Variants in TNPO1 observed in about 807,000 individuals in gnomAD.
TNPO1 encodes the protein transportin-1.
A neutral mutation model predicts 119.5 loss-of-function variants in TNPO1; 8 were observed. That is an observed-to-expected ratio of 0.07 (90% CI 0.04 to 0.12). The LOEUF is 0.12. Among genes scored for constraint, TNPO1 ranks in the 10% least tolerant of loss-of-function variants. The pLI is 1.00. For missense variants in TNPO1, 576 were observed against 1,089.8 expected (o/e 0.53, Z 6.64); for synonymous variants, 362 against 363.0 (o/e 1.00, Z 0.03).
At chr5:72,905,669 C>T (rs1324997662) in intron 24 of TNPO1, 1 of 237,168 alleles carries the variant, frequency 4.2e-6, no homozygotes, top group Non-Finnish European at 8.1e-6. Context: ...CCAAGGTGGG[C>T]AGGTCATTTG....
chr5:72,827,376 T>C (rs1744250444), intron 1 of TNPO1, among the ~76,000 whole-genome samples: 1 of 152,124 alleles, frequency 6.6e-6, no homozygotes, highest in South Asian at 2.1e-4. Flanking sequence ...TAATTACAGA[T>C]TTAATAATTA....
intron 1 of TNPO1, among the ~76,000 whole-genome samples, chr5:72,847,435 T>C (rs1285753098): frequency 1.3e-5 from 2 of 152,250 alleles, no homozygotes; most frequent in Non-Finnish European, 2.9e-5. Flanking sequence ...TGTCTCAGTC[T>C]TCACTGATTA....
At chr5:72,848,830 G>A (rs1193813950) in intron 2 of TNPO1, among the ~76,000 whole-genome samples, 2 of 150,166 alleles carry the variant, frequency 1.3e-5, no homozygotes, top group Non-Finnish European at 3.0e-5. Flanking sequence ...CCCGCCCGCC[G>A]CTGACCTGCC....
At chr5:72,875,924 T>C (rs1477375341) in intron 8 of TNPO1, among the ~76,000 whole-genome samples, 187 bp downstream of exon 8, 1 of 152,166 alleles carries the variant, frequency 6.6e-6, no homozygotes, top group Non-Finnish European at 1.5e-5. Flanking sequence ...ACTTTGGAAG[T>C]GTTTTAAGTA....
rs1750420933 is a variant in TNPO1 at position 72,909,577 on chromosome 5, TTTAAA to T, written c.*908_*912del. On this transcript the variant is annotated 3_prime_UTR_variant, in exon 25 of 25. Coordinates refer to ENST00000337273, the MANE Select transcript of TNPO1 (RefSeq NM_002270.4). ...TCTGGCTCATAGTGGTTGAAAGTAA[TTTAAA>T]TTAGTGGGAAAGTAGCATGCTTGCA... The T allele has an allele frequency of 6.6e-6, 1 of 152,300 alleles. No individual in the cohort carries two copies. Among genetic ancestry groups the T allele is most frequent in the African/African-American group, 2.4e-5 (1 of 41,450 alleles). The allele number at this position is 152,300 out of a possible 1,614,324, so 9.4% of individuals were successfully genotyped here.
intron 4 of TNPO1, among the ~76,000 whole-genome samples, chr5:72,859,463 A>C (rs1460599409): frequency 6.6e-6 from 1 of 152,212 alleles, no homozygotes; most frequent in East Asian, 1.9e-4. Flanking sequence ...TACTAATAAT[A>C]TATACAATAT....
At chr5:72,835,194 G>A (rs1014867229) in intron 1 of TNPO1, among the ~76,000 whole-genome samples, 7 of 152,082 alleles carry the variant, frequency 4.6e-5, no homozygotes, top group South Asian at 2.1e-4. Context: ...GTTTTTGCCC[G>A]TATACAATTT....
At chr5:72,884,628 T>C (rs1279125143) in intron 11 of TNPO1, among the ~76,000 whole-genome samples, 2 of 152,192 alleles carry the variant, frequency 1.3e-5, no homozygotes, top group African/African-American at 2.4e-5. Context: ...CGCTTCCTAA[T>C]TGGGGATGAA....
In TNPO1 at chr5:72,861,875, C is replaced by G; in HGVS notation, c.423C>G (p.Leu141=). 5 of 1,613,676 alleles carry G rather than the reference C, an allele frequency of 3.1e-6. No homozygotes were observed. The highest frequency in any genetic ancestry group is 4.2e-6 in the Non-Finnish European group (5 of 1,179,598). Residue 141 remains leucine (L), a synonymous_variant, in exon 5 of 25, where the codon CTC becomes CTG. Transcript: ENST00000337273. ...LQNWPDLLPK[L]CSLLDSEDYN... ...ATTGGCCTGACCTCTTACCAAAACT[C>G]TGTAGCCTGTTGGATTCTGAAGATT... is the stretch of plus-strand genomic sequence containing the variant.
chr5:72,838,806 T>C (rs1481019670), intron 1 of TNPO1, among the ~76,000 whole-genome samples: 3 of 152,194 alleles, frequency 2.0e-5, no homozygotes, highest in Admixed American at 2.0e-4. Flanking sequence ...CGACCAGAAA[T>C]AGACATTCAT....
chr5:72,903,904 C>T lies in TNPO1; in HGVS notation c.2589+121C>T. 3 of 604,674 alleles carry T rather than the reference C, an allele frequency of 5.0e-6. No individual in the cohort carries two copies. In the South Asian group the frequency reaches 7.7e-5, roughly 15 times the overall value. The allele number at this position is 604,674 out of a possible 1,614,324, so 37.5% of individuals were successfully genotyped here. A position where few individuals can be genotyped will look rare whatever the true frequency, so the allele number is the denominator to read the frequency against. ...TCTTCAAGTCAGTATTGATAGTTTA[C>T]ATATATAACCTTTATTCTTGGTAAC... is the stretch of plus-strand genomic sequence containing the variant. On this transcript the variant is annotated intron_variant, in intron 23 of 24. Transcript: ENST00000337273.
intron 6 of TNPO1, among the ~76,000 whole-genome samples, chr5:72,866,608 G>T (rs1427383377): frequency 1.3e-5 from 2 of 151,978 alleles, no homozygotes; most frequent in Non-Finnish European, 2.9e-5. Context: ...ATAAAAATTA[G>T]CTGGGCATGG....
chr5:72,891,354 A>C (rs951438654), intron 14 of TNPO1, among the ~76,000 whole-genome samples: 4 of 151,878 alleles, frequency 2.6e-5, no homozygotes, highest in African/African-American at 9.7e-5. Flanking sequence ...AGTCCCAGCT[A>C]CTCGGGAGGC....
intron 24 of TNPO1, 128 bp downstream of exon 24, chr5:72,905,573 T>C (rs1750085683): frequency 4.0e-6 from 2 of 498,978 alleles, no homozygotes; most frequent in Admixed American, 3.6e-5. Context: ...TAGCCTCATA[T>C]CATTCTATCT....
chr5:72,845,569 T>G (rs1580382201), intron 1 of TNPO1, among the ~76,000 whole-genome samples: 1 of 152,198 alleles, frequency 6.6e-6, no homozygotes, highest in African/African-American at 2.4e-5. Context: ...GATAGAAAAG[T>G]TCAAAGTGGC....
chr5:72,840,525 A>T lies in TNPO1; in HGVS notation c.16-7860A>T, dbSNP rs557764965. ...TAATCTGCCACATACTAGCTGGGCAAGCTACTTAACCTCTCTGAACCTCGG... is the reference window on the plus strand; with the variant it reads ...TAATCTGCCACATACTAGCTGGGCATGCTACTTAACCTCTCTGAACCTCGG... On this transcript the variant is annotated intron_variant, in intron 1 of 24. Coordinates refer to ENST00000337273, the MANE Select transcript of TNPO1 (RefSeq NM_002270.4). Among the ~76,000 whole-genome samples the T allele has an allele frequency of 5.9e-5, 9 of 152,290 alleles. No individual in the cohort carries two copies. In the South Asian group the frequency reaches 1.9e-3, roughly 32 times the overall value.
intron 24 of TNPO1, among the ~76,000 whole-genome samples, chr5:72,906,251 C>T (rs1163215586): frequency 3.8e-5 from 5 of 132,002 alleles, no homozygotes; most frequent in African/African-American, 1.5e-4. Flanking sequence ...GAGTACCTAC[C>T]ATGTGCCCAT....
intron 1 of TNPO1, among the ~76,000 whole-genome samples, chr5:72,841,261 G>T (rs1377460121): frequency 6.6e-6 from 1 of 151,772 alleles, no homozygotes; most frequent in African/African-American, 2.4e-5. Flanking sequence ...GGGATTACAG[G>T]CGCCCGCTAC....
intron 1 of TNPO1, among the ~76,000 whole-genome samples, chr5:72,845,922 T>C (rs928929515): frequency 2.6e-5 from 4 of 152,122 alleles, no homozygotes; most frequent in African/African-American, 9.7e-5. Flanking sequence ...CCTCAGCAGG[T>C]AGGGTATGCC....
Sources: gnomAD v4.1 joint callset for allele counts (sites outside exome capture counted in the v4.1 genomes callset) on GRCh38, gnomAD v4.1.1 for gene constraint, MANE v1.5 for transcripts, NCBI Gene and HGNC (gene_info 2026-07-23, HGNC 2026-07-21) for gene names.